Variants in BZW2 observed in about 807,000 individuals in gnomAD.
BZW2 encodes basic leucine zipper and W2 domains 2, also known as eIF5-mimic protein 1.
A neutral mutation model predicts 53.2 loss-of-function variants in BZW2; 23 were observed. That is an observed-to-expected ratio of 0.43 (90% confidence interval 0.31 to 0.61). BZW2 has a LOEUF of 0.61. Ranked by LOEUF, BZW2 falls within the 20% of genes least tolerant of loss-of-function variation. The probability of loss-of-function intolerance (pLI) is 0.09; values close to 1 mark genes in which losing one functional copy is unlikely to be tolerated. For missense variants in BZW2, 409 were observed against 503.1 expected (o/e 0.81, Z 1.79); for synonymous variants, 227 against 186.4 (o/e 1.22, Z -1.77).
At chr7:16,665,895 GT>G (rs1782409050) in intron 2 of BZW2, among the ~76,000 whole-genome samples, 1 of 152,046 alleles carries the variant, frequency 6.6e-6, no homozygotes, top group Non-Finnish European at 1.5e-5. Context: ...ATATTGAAGA[GT>G]TTTTTAATTT....
At chr7:16,698,496 G>C (rs1307903626) in intron 10 of BZW2, among the ~76,000 whole-genome samples, 1 of 152,196 alleles carries the variant, frequency 6.6e-6, no homozygotes, top group Non-Finnish European at 1.5e-5. Context: ...TTTTTGAATT[G>C]TAAGGATTAG....
At chr7:16,673,749 A>G (rs1347808951) in intron 2 of BZW2, among the ~76,000 whole-genome samples, 1 of 152,106 alleles carries the variant, frequency 6.6e-6, no homozygotes, top group Non-Finnish European at 1.5e-5. Flanking sequence ...TCCAAAGGAT[A>G]CTTTGGAATC....
At chr7:16,699,103 C>T (rs1783589908) in intron 10 of BZW2, among the ~76,000 whole-genome samples, 1 of 152,082 alleles carries the variant, frequency 6.6e-6, no homozygotes, top group Non-Finnish European at 1.5e-5. Context: ...ACGTAGATTC[C>T]TCAAATGAAT....
intron 1 of BZW2, among the ~76,000 whole-genome samples, chr7:16,660,879 T>G (rs1256545826): frequency 6.6e-6 from 1 of 152,078 alleles, no homozygotes; most frequent in Non-Finnish European, 1.5e-5. Flanking sequence ...GGTCCACCAC[T>G]TGTTGTGTTA....
intron 1 of BZW2, among the ~76,000 whole-genome samples, chr7:16,660,279 G>C (rs1307156094): frequency 2.0e-5 from 3 of 151,762 alleles, no homozygotes; most frequent in African/African-American, 7.3e-5. Flanking sequence ...GCCGGGCCTG[G>C]TAGTGTGCCT....
At chr7:16,686,088 A>AT (rs747949678) in intron 6 of BZW2, 48 bp downstream of exon 6, 5 of 1,601,204 alleles carry the variant, frequency 3.1e-6, no homozygotes, top group Non-Finnish European at 4.3e-6. Flanking sequence ...AAAGAAAAAT[A>AT]AAGTCACAGA....
At chr7:16,685,306 A>G (rs1054714188) in intron 5 of BZW2, among the ~76,000 whole-genome samples, 1 of 152,320 alleles carries the variant, frequency 6.6e-6, no homozygotes, top group African/African-American at 2.4e-5. Flanking sequence ...TCAAGAACCT[A>G]GAAAACCCCT....
intron 1 of BZW2, among the ~76,000 whole-genome samples, chr7:16,652,250 A>C (rs1405163108): frequency 2.0e-5 from 3 of 152,178 alleles, no homozygotes; most frequent in African/African-American, 7.2e-5. Flanking sequence ...TGTAAGTTAC[A>C]AAGTAAAAAA....
At chr7:16,657,223 G>T (rs189797269) in intron 1 of BZW2, among the ~76,000 whole-genome samples, 2 of 152,222 alleles carry the variant, frequency 1.3e-5, no homozygotes, top group East Asian at 3.9e-4. Flanking sequence ...AGAAAATATA[G>T]ACAAGTATAG....
At chr7:16,658,345 G>A (rs968388037) in intron 1 of BZW2, among the ~76,000 whole-genome samples, 11 of 152,070 alleles carry the variant, frequency 7.2e-5, no homozygotes, top group African/African-American at 2.7e-4. Context: ...TTTCTACATG[G>A]ATATTTAAAA....
chr7:16,688,310 T>C (rs1489733367), intron 6 of BZW2, among the ~76,000 whole-genome samples: 1 of 152,192 alleles, frequency 6.6e-6, no homozygotes, highest in Admixed American at 6.5e-5. Flanking sequence ...CCCCTCTAGT[T>C]GTTATAAGAT....
chr7:16,676,576 A>G (rs752293199), intron 3 of BZW2, among the ~76,000 whole-genome samples: 1 of 140,500 alleles, frequency 7.1e-6, no homozygotes, highest in Non-Finnish European at 1.5e-5. Context: ...ATTTACATAC[A>G]CCTTTAACAA....
chr7:16,666,303 C>T lies in BZW2; in HGVS notation c.58+802C>T, dbSNP rs115182346. Among the ~76,000 whole-genome samples the T allele has an allele frequency of 7.2e-3, 1,091 of 152,186 alleles. 15 individuals are homozygous for T. Among genetic ancestry groups the T allele is most frequent in the African/African-American group, 0.024 (1,013 of 41,504 alleles). The stretch of plus-strand genomic sequence containing the variant: ...TTTGTAGAGACAGGGTCTCAAACTC[C>T]TGGCCTCAAGCAGTCCTCCTCCCTT... On this transcript the variant is annotated intron_variant, in intron 2 of 11. Transcript: ENST00000258761.
At chr7:16,656,123 A>G (rs1410550734) in intron 1 of BZW2, among the ~76,000 whole-genome samples, 1 of 150,898 alleles carries the variant, frequency 6.6e-6, no homozygotes, top group Non-Finnish European at 1.5e-5. Context: ...ATATGTGTGT[A>G]TATATATAAA....
At chr7:16,680,764 G>T (rs577818314) in intron 3 of BZW2, among the ~76,000 whole-genome samples, 1 of 152,076 alleles carries the variant, frequency 6.6e-6, no homozygotes, top group Non-Finnish European at 1.5e-5. Flanking sequence ...AGCCATAATT[G>T]CACCACTGCA....
chr7:16,679,052 A>G (rs1467824615), intron 3 of BZW2, among the ~76,000 whole-genome samples: 1 of 152,192 alleles, frequency 6.6e-6, no homozygotes, highest in African/African-American at 2.4e-5. Flanking sequence ...ATTGATAAAT[A>G]TCTTAACAGG....
intron 5 of BZW2, among the ~76,000 whole-genome samples, chr7:16,685,022 C>T (rs1401880136): frequency 1.3e-5 from 2 of 152,078 alleles, no homozygotes; most frequent in African/African-American, 4.8e-5. Flanking sequence ...CAGCAAGGCC[C>T]CTGTGGTGAT....
chr7:16,671,351 CTT>C (rs1454312652), intron 2 of BZW2, among the ~76,000 whole-genome samples: 4 of 152,116 alleles, frequency 2.6e-5, no homozygotes, highest in African/African-American at 9.7e-5. Context: ...TTTGTTATCT[CTT>C]GATTTAATAA....
chr7:16,646,225 CGCT>C lies in BZW2; in HGVS notation c.-62_-60del, dbSNP rs1203741105. 1.2e-5 allele frequency: 4 copies of C among 340,966 alleles called. No homozygotes were observed. The highest frequency in any genetic ancestry group is 4.3e-5 in the South Asian group (2 of 46,556). The allele number at this position is 340,966 out of a possible 1,614,324, so 21.1% of individuals were successfully genotyped here. A position where few individuals can be genotyped will look rare whatever the true frequency, so the allele number is the denominator to read the frequency against. ...CCACTGCTGCTGCTGCTGCTGCTGC[CGCT>C]GCTGCTGCACGAATCGCCGCAGCCC... On this transcript the variant is annotated 5_prime_UTR_variant, in exon 1 of 12. Transcript: ENST00000258761.
Sources: allele counts gnomAD v4.1 joint callset (sites outside exome capture counted in the v4.1 genomes callset), GRCh38; gene constraint gnomAD v4.1.1; transcripts MANE v1.5; gene names NCBI Gene and HGNC (gene_info 2026-07-23, HGNC 2026-07-21).